Variants in SNAP91 observed in about 807,000 individuals in gnomAD.
The protein encoded by SNAP91 is clathrin coat assembly protein AP180.
Under a neutral mutation model 100.3 loss-of-function variants are expected in SNAP91, and 27 were observed. That is an observed-to-expected ratio of 0.27 (90% CI 0.20 to 0.37). SNAP91 has a LOEUF of 0.37. Among genes scored for constraint, SNAP91 ranks in the 10% least tolerant of loss-of-function variants. SNAP91 has a pLI of 1.00. For synonymous variants in SNAP91, 404 were observed against 398.6 expected, an observed-to-expected ratio of 1.01 and a Z score of -0.16; for missense variants, 986 against 1,123.7, an observed-to-expected ratio of 0.88 and a Z score of 1.75.
intron 2 of SNAP91, chr6:83,690,516 A>C: frequency 1.2e-6 from 1 of 814,602 alleles, no homozygotes; most frequent in South Asian, 1.6e-5. Context: ...ACATTGAACA[A>C]GCGTTTTGTT....
chr6:83,564,683 A>G (rs145879526), intron 26 of SNAP91, among the ~76,000 whole-genome samples: 3 of 152,176 alleles, frequency 2.0e-5, no homozygotes, highest in African/African-American at 7.2e-5. Context: ...CCTTTAAACA[A>G]ATGATTCTGA....
At chr6:83,703,115 G>T (rs2099336618) in intron 2 of SNAP91, among the ~76,000 whole-genome samples, 1 of 151,396 alleles carries the variant, frequency 6.6e-6, no homozygotes, top group African/African-American at 2.4e-5. Context: ...AAATCAAGAG[G>T]AAGGAACAGA....
intron 2 of SNAP91, chr6:83,686,220 G>T: frequency 1.0e-6 from 1 of 984,616 alleles, no homozygotes; most frequent in Non-Finnish European, 1.2e-6. Context: ...TTCCTGCACC[G>T]GGCCTGCAAA....
intron 2 of SNAP91, among the ~76,000 whole-genome samples, chr6:83,683,163 C>T (rs1203769371): frequency 6.6e-6 from 1 of 152,094 alleles, no homozygotes; most frequent in East Asian, 1.9e-4. Context: ...TTATCTCTGT[C>T]TTTCCTTCTC....
At chr6:83,575,285 A>G in intron 25 of SNAP91, 164 bp from the exon 26 acceptor site, 3 of 603,994 alleles carry the variant, frequency 5.0e-6, no homozygotes, top group Non-Finnish European at 8.6e-6. Flanking sequence ...GAATCTTGCC[A>G]TGCTGTAACT....
intron 2 of SNAP91, among the ~76,000 whole-genome samples, chr6:83,671,379 C>T (rs1025191482): frequency 6.6e-6 from 1 of 152,038 alleles, no homozygotes; most frequent in African/African-American, 2.4e-5. Context: ...ACTTCCTTAT[C>T]AGTTCTTTTT....
chr6:83,652,083 T>G (rs1391845214), intron 7 of SNAP91, among the ~76,000 whole-genome samples: 1 of 152,182 alleles, frequency 6.6e-6, no homozygotes, highest in Non-Finnish European at 1.5e-5. Flanking sequence ...TTAATTTATG[T>G]GTGTCTTTAT....
intron 29 of SNAP91, among the ~76,000 whole-genome samples, chr6:83,554,890 A>G (rs576653207): frequency 3.9e-5 from 6 of 152,154 alleles, no homozygotes; most frequent in Non-Finnish European, 8.8e-5. Context: ...ATAAAATAGT[A>G]ATTCTCTCTG....
chr6:83,602,991 A>G (rs913541346), intron 14 of SNAP91, among the ~76,000 whole-genome samples: 5 of 152,116 alleles, frequency 3.3e-5, no homozygotes, highest in Non-Finnish European at 5.9e-5. Context: ...CAGAACTTAA[A>G]GTTAAAAAAG....
Position 83,665,547 on chromosome 6 carries a change from A to G in SNAP91, c.165T>C (p.Asn55=). The change falls in exon 3 of 30, where the codon AAT becomes AAC. Residue 55 remains asparagine, a synonymous_variant. Transcript: ENST00000369694. ...AGAGAGTGTCGGCCATCTGAGGAAT[A>G]TTAACATTGGTCTCGTTGGTAGCCT... ...LIQATNETNV[N]IPQMADTLFE... 1 of 1,612,844 alleles carries G rather than the reference A, an allele frequency of 6.2e-7. No homozygotes were observed. Among genetic ancestry groups the G allele is most frequent in the Non-Finnish European group, 8.5e-7 (1 of 1,179,204 alleles).
Position 83,563,086 on chromosome 6 carries a change from G to A in SNAP91, c.2443-2139C>T, listed in dbSNP as rs143703072. 5.7e-3 allele frequency among the ~76,000 whole-genome samples: 867 copies of A among 152,326 alleles called. 27 individuals are homozygous for A. Among genetic ancestry groups the A allele is most frequent in the Admixed American group, 0.045 (696 of 15,300 alleles). ...AACACAAGTTAGACAAGAGCCACAA[G>A]GGCATTTGCCAGTATAAACAAGCTT... On this transcript the variant is annotated intron_variant, in intron 26 of 29. Transcript: ENST00000369694.
chr6:83,625,247 TC>T (rs1280900605), intron 8 of SNAP91, among the ~76,000 whole-genome samples: 1 of 152,164 alleles, frequency 6.6e-6, no homozygotes, highest in African/African-American at 2.4e-5. Flanking sequence ...TGCATAGTAT[TC>T]CATGGTGCAT....
intron 2 of SNAP91, among the ~76,000 whole-genome samples, chr6:83,695,276 C>CAAAAAAAAAAAAAAA (rs56103542): frequency 1.5e-5 from 1 of 67,316 alleles, no homozygotes; most frequent in Admixed American, 2.2e-4. Flanking sequence ...GGCTCCATCT[C>CAAAAAAAAAAAAAAA]AAAAAAAAAA....
intron 7 of SNAP91, among the ~76,000 whole-genome samples, chr6:83,646,858 C>A (rs909533766): frequency 1.3e-5 from 2 of 152,112 alleles, no homozygotes; most frequent in Non-Finnish European, 2.9e-5. Flanking sequence ...TGTTTGATTT[C>A]TTTCATAAGA....
At chr6:83,707,776 T>C (rs2099400479) in intron 2 of SNAP91, 22 bp downstream of exon 2, 1 of 1,611,778 alleles carries the variant, frequency 6.2e-7, no homozygotes, top group African/African-American at 1.3e-5. Flanking sequence ...CGCATGTCCC[T>C]CTTATATAAA....
intron 8 of SNAP91, among the ~76,000 whole-genome samples, chr6:83,624,830 A>G (rs2096869681): frequency 6.6e-6 from 1 of 152,122 alleles, no homozygotes; most frequent in African/African-American, 2.4e-5. Flanking sequence ...TAATGTTTGA[A>G]TCCAGAATTC....
chr6:83,635,641 G>T (rs1354901967), intron 8 of SNAP91, among the ~76,000 whole-genome samples: 1 of 144,328 alleles, frequency 6.9e-6, no homozygotes, highest in African/African-American at 2.6e-5. Context: ...TTGCCACTCT[G>T]TGTCTTTTCA....
At chr6:83,585,919 T>A (rs1042981716) in intron 22 of SNAP91, among the ~76,000 whole-genome samples, 29 of 151,726 alleles carry the variant, frequency 1.9e-4, no homozygotes, top group Admixed American at 5.3e-4. Context: ...GGCGCCATCT[T>A]GGCTCACTGC....
chr6:83,639,249 A>G (rs1342805340), intron 8 of SNAP91, among the ~76,000 whole-genome samples: 2 of 152,302 alleles, frequency 1.3e-5, no homozygotes, highest in East Asian at 3.9e-4. Flanking sequence ...CATGAGTACT[A>G]TACAGTAGAG....
Sources: gnomAD v4.1 joint callset for allele counts (sites outside exome capture counted in the v4.1 genomes callset) on GRCh38, gnomAD v4.1.1 for gene constraint, MANE v1.5 for transcripts, NCBI Gene and HGNC (gene_info 2026-07-23, HGNC 2026-07-21) for gene names.